Variants in DESI2 observed in about 807,000 individuals in gnomAD.
The protein encoded by DESI2 is deubiquitinase DESI2.
Under a neutral mutation model 24.1 loss-of-function variants are expected in DESI2, and 10 were observed. That is an observed-to-expected ratio of 0.41 (90% CI 0.26 to 0.70). The LOEUF is 0.70. Ranked by LOEUF, DESI2 falls within the 30% of genes least tolerant of loss-of-function variation. DESI2 has a pLI of 0.29. For synonymous variants in DESI2, 71 were observed against 87.7 expected (o/e 0.81, Z 1.06); for missense variants, 122 against 234.9 (o/e 0.52, Z 3.14).
intron 1 of DESI2, among the ~76,000 whole-genome samples, chr1:244,677,127 G>C (rs1019756216): frequency 2.0e-5 from 3 of 152,052 alleles, no homozygotes; most frequent in Non-Finnish European, 4.4e-5. Flanking sequence ...AAGAGCTTCT[G>C]AAGAATTGGT....
intron 1 of DESI2, among the ~76,000 whole-genome samples, chr1:244,673,161 A>T (rs962164075): frequency 5.9e-5 from 9 of 152,204 alleles, no homozygotes; most frequent in African/African-American, 1.9e-4. Context: ...CATCTTCCAC[A>T]GGCAGCCTGC....
intron 4 of DESI2, chr1:244,694,418 T>C: frequency 1.4e-6 from 1 of 715,468 alleles, no homozygotes; most frequent in Non-Finnish European, 2.6e-6. Flanking sequence ...GCATTACTCA[T>C]CGTTGAAATT....
chr1:244,691,856 T>C (rs752736462), intron 3 of DESI2, 23 bp from the exon 4 acceptor site: 7 of 1,538,596 alleles, frequency 4.5e-6, no homozygotes, highest in Non-Finnish European at 6.1e-6. Flanking sequence ...TTCTTTCTCT[T>C]TTTTTTCTTT....
At chr1:244,692,074 A>G (rs1677049658) in intron 4 of DESI2, 54 bp downstream of exon 4, 9 of 1,405,760 alleles carry the variant, frequency 6.4e-6, no homozygotes, top group South Asian at 2.6e-5. Context: ...CTATCCCACT[A>G]TACTTGATAT....
intron 1 of DESI2, among the ~76,000 whole-genome samples, chr1:244,659,830 G>A (rs1558649154): frequency 6.6e-6 from 1 of 152,170 alleles, no homozygotes; most frequent in Non-Finnish European, 1.5e-5. Context: ...AAGGTGTTTT[G>A]TAAACCCAAA....
chr1:244,684,621 T>C (rs1676750582), intron 1 of DESI2, among the ~76,000 whole-genome samples: 1 of 152,216 alleles, frequency 6.6e-6, no homozygotes, highest in South Asian at 2.1e-4. Context: ...CAGCTAATTT[T>C]CCCAAGTCAA....
intron 4 of DESI2, among the ~76,000 whole-genome samples, chr1:244,696,178 T>C (rs565910122): frequency 1.3e-5 from 2 of 152,370 alleles, no homozygotes; most frequent in Admixed American, 1.3e-4. Context: ...AATTATGTTA[T>C]CACTCCACAA....
chr1:244,672,603 G>A (rs780808373), intron 1 of DESI2, among the ~76,000 whole-genome samples: 26 of 152,116 alleles, frequency 1.7e-4, no homozygotes, highest in Non-Finnish European at 2.5e-4. Context: ...AGTTGGCCAC[G>A]CGTGGTGGCT....
At chr1:244,700,927 C>A (rs1052975736) in intron 4 of DESI2, among the ~76,000 whole-genome samples, 1 of 152,070 alleles carries the variant, frequency 6.6e-6, no homozygotes, top group African/African-American at 2.4e-5. Context: ...CAGTAAAATT[C>A]ATGTGTTTTA....
At chr1:244,699,870 G>C (rs1251947590) in intron 4 of DESI2, among the ~76,000 whole-genome samples, 1 of 152,168 alleles carries the variant, frequency 6.6e-6, no homozygotes, top group Non-Finnish European at 1.5e-5. Context: ...GATGCTGCAA[G>C]CACTTTGAAT....
At chr1:244,653,575 G>A (rs1207125982) in intron 1 of DESI2, 2 of 531,818 alleles carry the variant, frequency 3.8e-6, no homozygotes, top group Non-Finnish European at 6.5e-6. Context: ...TTTGGCCAAA[G>A]CTCGGGTGGG....
chr1:244,690,104 T>G (rs1056622619), intron 3 of DESI2, among the ~76,000 whole-genome samples: 3 of 152,172 alleles, frequency 2.0e-5, no homozygotes, highest in Admixed American at 6.5e-5. Flanking sequence ...AGTTCTAGGG[T>G]ACATGTGCAC....
intron 1 of DESI2, among the ~76,000 whole-genome samples, chr1:244,674,905 CT>C (rs1676365242): frequency 1.3e-5 from 2 of 152,090 alleles, no homozygotes; most frequent in African/African-American, 2.4e-5. Flanking sequence ...CATATGGTAA[CT>C]TTAGGTTTAA....
intron 1 of DESI2, among the ~76,000 whole-genome samples, chr1:244,662,842 C>T (rs1312544582): frequency 3.3e-5 from 5 of 152,022 alleles, no homozygotes; most frequent in Admixed American, 2.6e-4. Context: ...GGCTGTAAAT[C>T]GGGCCACATG....
At chr1:244,686,248 C>T (rs950953206) in intron 1 of DESI2, among the ~76,000 whole-genome samples, 16 of 141,298 alleles carry the variant, frequency 1.1e-4, no homozygotes, top group African/African-American at 3.1e-4. Context: ...TGAAAGCACA[C>T]TCTGTGTGTG....
rs1677667090 is a variant in DESI2 at position 244,705,679 on chromosome 1, G to A, written c.475G>A (p.Val159Ile). 1 of 1,614,144 alleles carries A rather than the reference G, an allele frequency of 6.2e-7. No individual in the cohort carries two copies. Among genetic ancestry groups the A allele is most frequent in the Non-Finnish European group, 8.5e-7 (1 of 1,180,038 alleles). The change falls in exon 5 of 5, where the codon GTC becomes ATC. Residue 159 changes from valine to isoleucine, a missense_variant. Val to Ile is a conservative substitution (Grantham distance 29). Transcript: ENST00000302550. ...WLTPAALQSS[V>I]SQELQDELEE... is the part of the protein sequence containing the mutation. ...CACGCCCGCAGCCCTGCAGTCTAGT[G>A]TCAGCCAAGAACTCCAGGATGAACT... is the stretch of plus-strand genomic sequence containing the variant.
chr1:244,666,629 C>A (rs574655444), intron 1 of DESI2, among the ~76,000 whole-genome samples: 1 of 152,278 alleles, frequency 6.6e-6, no homozygotes, highest in Admixed American at 6.5e-5. Flanking sequence ...CTGTTTTAAT[C>A]AGTCTCATTC....
chr1:244,661,844 A>G (rs1675856668), intron 1 of DESI2, among the ~76,000 whole-genome samples: 1 of 152,148 alleles, frequency 6.6e-6, no homozygotes, highest in Non-Finnish European at 1.5e-5. Flanking sequence ...AGTCTTTGCT[A>G]TTGTGAATAG....
intron 2 of DESI2, among the ~76,000 whole-genome samples, chr1:244,687,082 G>C (rs1379304894): frequency 6.6e-6 from 1 of 152,152 alleles, no homozygotes; most frequent in Non-Finnish European, 1.5e-5. Flanking sequence ...TGTCAGACTT[G>C]AAATACCAAT....
Sources: allele counts gnomAD v4.1 joint callset (sites outside exome capture counted in the v4.1 genomes callset), GRCh38; gene constraint gnomAD v4.1.1; transcripts MANE v1.5; gene names NCBI Gene and HGNC (gene_info 2026-07-23, HGNC 2026-07-21).